The following HECTD4 variants were observed in gnomAD, a reference collection of about 807,000 sequenced individuals.
HECTD4 encodes HECT domain E3 ubiquitin protein ligase 4.
HECTD4 carries 114 observed loss-of-function variants against 471.5 expected under a neutral mutation model. That is an observed-to-expected ratio of 0.24 (90% CI 0.21 to 0.28). The LOEUF (loss-of-function observed/expected upper bound fraction) is 0.28, where lower values mean the gene tolerates loss of function less well. Ranked by LOEUF, HECTD4 falls within the 10% of genes least tolerant of loss-of-function variation. The pLI is 1.00. For missense variants in HECTD4, 3,866 were observed against 5,651.5 expected, an observed-to-expected ratio of 0.68 and a Z score of 10.13; for synonymous variants, 2,012 against 2,256.0, an observed-to-expected ratio of 0.89 and a Z score of 3.07.
Position 112,265,917 on chromosome 12 carries a change from T to C in HECTD4, c.2459A>G (p.Gln820Arg), listed in dbSNP as rs1219882167. The part of the protein sequence containing the change: ...VILTNLAEQL[Q>R]NNRFGSDEDD... ...CTCATCACTGCCAAATCGGTTGTTT[T>C]GGAGCTGTTCAGCCAGGTTGGTTAG... Residue 820 changes from glutamine (Q) to arginine (R), a missense_variant, in exon 15 of 76, where the codon CAA becomes CGA. Around this residue, in one of 16 missense-constraint regions of HECTD4, gnomAD observed 525 missense variants for 672.6 expected, o/e 0.78. Transcript: ENST00000682272. 2 of 1,614,044 alleles carry C rather than the reference T, an allele frequency of 1.2e-6. No individual in the cohort carries two copies. Among genetic ancestry groups the C allele is most frequent in the Non-Finnish European group, 1.7e-6 (2 of 1,179,890 alleles).
chr12:112,185,411 C>T lies in HECTD4; in HGVS notation c.9555G>A (p.Val3185=). The T allele has an allele frequency of 6.2e-7, 1 of 1,609,544 alleles. No homozygotes were observed. The change falls in exon 61 of 76, where the codon GTG becomes GTA. Residue 3185 remains valine, a synonymous_variant. Coordinates refer to ENST00000682272, the MANE Select transcript of HECTD4 (RefSeq NM_001388303.1). ...FHLLAELLRT[V]HTLEQRRHPA... ...GGTGCCGCCTCTGCTCCAGGGTGTG[C>T]ACCGTGCGCAGGAGCTCTGCCAGGA... is the stretch of plus-strand genomic sequence containing the variant.
intron 48 of HECTD4, among the ~76,000 whole-genome samples, chr12:112,215,030 G>A (rs1005262380): frequency 6.6e-6 from 1 of 152,148 alleles, no homozygotes; most frequent in South Asian, 2.1e-4. Context: ...GCAGGCACCT[G>A]TAATCCCAGC....
intron 7 of HECTD4, among the ~76,000 whole-genome samples, chr12:112,289,764 T>A (rs897561184): frequency 1.3e-5 from 2 of 151,924 alleles, no homozygotes; most frequent in African/African-American, 4.8e-5. Flanking sequence ...GCAACCTCTA[T>A]CTCCCGGGCT....
intron 7 of HECTD4, among the ~76,000 whole-genome samples, chr12:112,296,768 A>G (rs2035031593): frequency 6.6e-6 from 1 of 150,656 alleles, no homozygotes; most frequent in South Asian, 2.1e-4. Flanking sequence ...ATGTAGGTGC[A>G]GATGGTGTAG....
At chr12:112,309,065 C>T (rs2035324992) in intron 5 of HECTD4, among the ~76,000 whole-genome samples, 174 bp from the exon 6 acceptor site, 1 of 152,154 alleles carries the variant, frequency 6.6e-6, no homozygotes, top group African/African-American at 2.4e-5. Flanking sequence ...CAAACTATAG[C>T]AAATATTGAC....
At chr12:112,366,880 CAAAA>C (rs575561407) in intron 1 of HECTD4, among the ~76,000 whole-genome samples, 1 of 68,656 alleles carries the variant, frequency 1.5e-5, no homozygotes, top group Admixed American at 1.7e-4. Context: ...AACTCTGTCT[CAAAA>C]AAAAAAAAAA....
At chr12:112,272,822 G>A (rs1302758258) in intron 11 of HECTD4, among the ~76,000 whole-genome samples, 1 of 152,154 alleles carries the variant, frequency 6.6e-6, no homozygotes, top group African/African-American at 2.4e-5. Flanking sequence ...AATGCTACTG[G>A]ACATGAGGTT....
chr12:112,239,342 C>T lies in HECTD4; in HGVS notation c.5106-106G>A, dbSNP rs1747819824. On this transcript the variant is annotated intron_variant, in intron 33 of 75. Coordinates refer to ENST00000682272, the MANE Select transcript of HECTD4 (RefSeq NM_001388303.1). This position sits in a 1 kb window ranked among gnomAD's most constrained non-coding sequence, Gnocchi z 4.9. Reference sequence around the variant, plus strand: ...ATAAAACATGCTGGTGCAGCTCTTTCCCTACAACTTAGGATACTGCCATGT... The same window carrying T: ...ATAAAACATGCTGGTGCAGCTCTTTTCCTACAACTTAGGATACTGCCATGT... The T allele has an allele frequency of 5.3e-6, 5 of 941,616 alleles. No homozygotes were observed. The South Asian group carries it at 6.3e-5, about 12-fold the overall frequency. The allele number at this position is 941,616 out of a possible 1,614,324, so 58.3% of individuals were successfully genotyped here.
At position 112,228,705 on chromosome 12, in the gene HECTD4, G is replaced by A. The variant is rs1435044215; in HGVS notation, c.6626C>T (p.Ser2209Leu). 2.5e-6 allele frequency: 4 copies of A among 1,613,506 alleles called. No individual in the cohort carries two copies. Among genetic ancestry groups the A allele is most frequent in the Admixed American group, 1.7e-5 (1 of 59,854 alleles). ...RFPPIDCRKTSQASDTLTIPL... is the reference protein window; with the variant it reads ...RFPPIDCRKTLQASDTLTIPL... ...AATAGTCAATGTGTCTGACGCTTGC[G>A]AAGTCTTTCTACAGTCTATGGGTGG... The change falls in exon 42 of 76, where the codon TCG (serine) becomes TTG (leucine). Residue 2209 changes from serine (S) to leucine (L), a missense_variant. Physicochemically the swap from Ser to Leu is moderately radical, Grantham distance 145. Transcript: ENST00000682272. This position sits in a 1 kb window ranked among gnomAD's most constrained non-coding sequence, Gnocchi z 4.9.
chr12:112,164,841 C>G (rs1334966417), intron 72 of HECTD4, among the ~76,000 whole-genome samples: 1 of 146,848 alleles, frequency 6.8e-6, no homozygotes, highest in Admixed American at 6.8e-5. Context: ...AGGCTGGTCT[C>G]TAACTCCTGA....
intron 22 of HECTD4, among the ~76,000 whole-genome samples, chr12:112,252,762 T>C (rs1382846244): frequency 2.6e-5 from 4 of 152,126 alleles, no homozygotes; most frequent in African/African-American, 7.2e-5. Flanking sequence ...TGGGCCACAG[T>C]TGCCCATTAG....
intron 1 of HECTD4, among the ~76,000 whole-genome samples, chr12:112,356,049 C>A (rs1175732941): frequency 6.6e-6 from 1 of 152,050 alleles, no homozygotes; most frequent in Non-Finnish European, 1.5e-5. Flanking sequence ...AGTCACTGAC[C>A]TTCCTTTATC....
At position 112,226,755 on chromosome 12, in the gene HECTD4, T is replaced by A. The variant is rs779271416; in HGVS notation, c.6858A>T (p.Ala2286=). The A allele has an allele frequency of 8.8e-6, 14 of 1,599,276 alleles. No homozygotes were observed. The highest frequency in any genetic ancestry group is 2.7e-5 in the African/African-American group (2 of 74,742). The part of the protein sequence containing the change: ...VRLLAEIRTR[A]CLVMAQLLED... ...CTAAAAGCTGGGCCATGACCAGGCA[T>A]GCTCTTAATGTTAAAAGATTTACAA... The change falls in exon 44 of 76, where the codon GCA becomes GCT. Residue 2286 remains alanine, a synonymous_variant. Coordinates refer to ENST00000682272, the MANE Select transcript of HECTD4 (RefSeq NM_001388303.1).
chr12:112,329,376 T>G (rs563035804), intron 1 of HECTD4, among the ~76,000 whole-genome samples: 36 of 151,780 alleles, frequency 2.4e-4, no homozygotes, highest in African/African-American at 2.9e-4. Context: ...TTTTGTTTTT[T>G]TTTTTTTTTT....
intron 44 of HECTD4, among the ~76,000 whole-genome samples, chr12:112,220,004 A>G (rs1593944003): frequency 6.6e-6 from 1 of 152,142 alleles, no homozygotes; most frequent in Non-Finnish European, 1.5e-5. Flanking sequence ...GGTGCAGTCC[A>G]ACTCCTGGAT....
Position 112,217,121 on chromosome 12 carries a change from G to A in HECTD4, c.7149C>T (p.Thr2383=), listed in dbSNP as rs2032939393. The part of the protein sequence containing the change: ...VRACMFSSHL[T]SVTFLADPSA... ...TGGGGTCAGCCAGGAAGGTGACTGA[G>A]GTAAGGTGAGATGAGAACATGCAGG... Residue 2383 remains threonine, a synonymous_variant, in exon 46 of 76, where the codon ACC becomes ACT. Transcript: ENST00000682272. 1.3e-6 allele frequency: 2 copies of A among 1,592,774 alleles called. No homozygotes were observed. The highest frequency in any genetic ancestry group is 1.7e-6 in the Non-Finnish European group (2 of 1,169,562).
intron 60 of HECTD4, among the ~76,000 whole-genome samples, chr12:112,190,451 T>C (rs1168136068): frequency 2.6e-5 from 4 of 152,232 alleles, no homozygotes; most frequent in African/African-American, 7.2e-5. Context: ...TTTTGCAACA[T>C]TGTTCATTTC....
chr12:112,309,005 T>G, intron 5 of HECTD4, 114 bp from the exon 6 acceptor site: 1 of 1,071,764 alleles, frequency 9.3e-7, no homozygotes, highest in Non-Finnish European at 1.3e-6. Flanking sequence ...TGAGTAAGTA[T>G]GTAAAACATC....
Position 112,184,553 on chromosome 12 carries a change from G to A in HECTD4, c.10413C>T (p.Val3471=). ...LAFPGTDSME[V]STSSSLTPAM... ...CGGGGGTCAGGCTGCTGGACGTGCTGACCTCCATGCTGTCTGTGCCGGGGA... is the reference window on the plus strand; with the variant it reads ...CGGGGGTCAGGCTGCTGGACGTGCTAACCTCCATGCTGTCTGTGCCGGGGA... The change falls in exon 61 of 76, where the codon GTC becomes GTT. Residue 3471 remains valine (V), a synonymous_variant. Transcript: ENST00000682272. This position sits in a 1 kb window ranked among gnomAD's most constrained non-coding sequence, Gnocchi z 9.1. The A allele has an allele frequency of 6.2e-7, 1 of 1,613,156 alleles. No homozygotes were observed. Among genetic ancestry groups the A allele is most frequent in the South Asian group, 1.1e-5 (1 of 91,074 alleles).
Sources: gnomAD v4.1 joint callset for allele counts (sites outside exome capture counted in the v4.1 genomes callset) on GRCh38, gnomAD v4.1.1 for gene constraint, gnomAD v4.1.1 regional missense constraint, Gnocchi (gnomAD v3.1) non-coding constraint, MANE v1.5 for transcripts, NCBI Gene and HGNC (gene_info 2026-07-23, HGNC 2026-07-21) for gene names.